The following PPARG variants were observed in gnomAD, a reference collection of about 807,000 sequenced individuals.
The protein encoded by PPARG is peroxisome proliferator-activated receptor gamma.
A neutral mutation model predicts 39.2 loss-of-function variants in PPARG; 17 were observed. That is an observed-to-expected ratio of 0.43 (90% CI 0.30 to 0.65). The LOEUF (loss-of-function observed/expected upper bound fraction) is 0.65, where lower values mean the gene tolerates loss of function less well. Ranked by LOEUF, PPARG falls within the 30% of genes least tolerant of loss-of-function variation. The pLI is 0.13. For missense variants in PPARG, 406 were observed against 585.9 expected, an observed-to-expected ratio of 0.69 and a Z score of 3.17; for synonymous variants, 223 against 215.7, an observed-to-expected ratio of 1.03 and a Z score of -0.30.
At chr3:12,296,142 C>T (rs1450643408) in intron 1 of PPARG, among the ~76,000 whole-genome samples, 3 of 148,400 alleles carry the variant, frequency 2.0e-5, no homozygotes, top group African/African-American at 7.5e-5. Context: ...ATCCCAGCTA[C>T]TCGGGTGACT....
At chr3:12,380,004 A>C in intron 3 of PPARG, 73 bp downstream of exon 3, 3 of 1,269,218 alleles carry the variant, frequency 2.4e-6, no homozygotes, top group Non-Finnish European at 2.3e-6. Context: ...CCCTGTAATA[A>C]ATAATGCTCC....
intron 2 of PPARG, among the ~76,000 whole-genome samples, chr3:12,325,493 C>T (rs535699471): frequency 6.6e-6 from 1 of 150,740 alleles, no homozygotes; most frequent in Non-Finnish European, 1.5e-5. Flanking sequence ...CCCAGATACT[C>T]GGGAGGCTGA....
At chr3:12,409,648 G>A (rs1473579146) in intron 6 of PPARG, among the ~76,000 whole-genome samples, 1 of 152,106 alleles carries the variant, frequency 6.6e-6, no homozygotes, top group African/African-American at 2.4e-5. Context: ...AGAGCAATTT[G>A]CATTTCTTAT....
At chr3:12,295,105 A>AT (rs534342939) in intron 1 of PPARG, among the ~76,000 whole-genome samples, 340 of 152,200 alleles carry the variant, frequency 2.2e-3, no homozygotes, top group African/African-American at 7.9e-3. Flanking sequence ...CTCGTCATGC[A>AT]TTTTTTACAA....
At chr3:12,304,853 T>A (rs987300975) in intron 1 of PPARG, among the ~76,000 whole-genome samples, 1 of 152,186 alleles carries the variant, frequency 6.6e-6, no homozygotes, top group African/African-American at 2.4e-5. Flanking sequence ...GGAAAACTTT[T>A]TGGCTGAGTA....
intron 2 of PPARG, among the ~76,000 whole-genome samples, chr3:12,342,616 A>C (rs2048214411): frequency 6.6e-6 from 1 of 152,230 alleles, no homozygotes; most frequent in Non-Finnish European, 1.5e-5. Flanking sequence ...GTATGTGCTT[A>C]TGTATCTGTA....
Position 12,300,779 on chromosome 3 carries a change from T to C in PPARG, c.-82-11601T>C, listed in dbSNP as rs539322648. ...TGATAATTTTCATGGGAAAATTCCATGTACCAAGCAAAATTGTTAGTTCCT... is the reference window on the plus strand; with the variant it reads ...TGATAATTTTCATGGGAAAATTCCACGTACCAAGCAAAATTGTTAGTTCCT... On this transcript the variant is annotated intron_variant, in intron 1 of 7. Transcript: ENST00000651735. Among the ~76,000 whole-genome samples the C allele has an allele frequency of 2.6e-5, 4 of 152,352 alleles. No homozygotes were observed. The South Asian group carries it at 8.3e-4, about 32-fold the overall frequency.
intron 5 of PPARG, among the ~76,000 whole-genome samples, chr3:12,398,094 T>G (rs1435632330): frequency 1.3e-5 from 2 of 152,020 alleles, no homozygotes; most frequent in Non-Finnish European, 2.9e-5. Context: ...TCCTTTTCTA[T>G]GTGTTTCATA....
chr3:12,367,712 A>C (rs1422718206), intron 2 of PPARG, among the ~76,000 whole-genome samples: 1 of 150,960 alleles, frequency 6.6e-6, no homozygotes, highest in Non-Finnish European at 1.5e-5. Flanking sequence ...ATAAAAAAAT[A>C]AAAATAAAAA....
chr3:12,389,616 C>T (rs2049997196), intron 4 of PPARG, among the ~76,000 whole-genome samples: 1 of 152,050 alleles, frequency 6.6e-6, no homozygotes, highest in South Asian at 2.1e-4. Flanking sequence ...GTGAGCCAGG[C>T]GTAGTGGCAC....
chr3:12,394,689 AGTTT>A (rs1388249326), intron 5 of PPARG, among the ~76,000 whole-genome samples: 7 of 152,332 alleles, frequency 4.6e-5, no homozygotes, highest in Admixed American at 3.3e-4. Flanking sequence ...TTTTTATGGG[AGTTT>A]GTTTGCTGCA....
intron 5 of PPARG, among the ~76,000 whole-genome samples, chr3:12,397,378 TTTATTATTA>T (rs200520715): frequency 0.14 from 19,047 of 131,958 alleles, 1,387 homozygotes; most frequent in Non-Finnish European, 0.16. Flanking sequence ...CCTATTCCTT[TTTATTATTA>T]TTATTATTAT....
intron 2 of PPARG, among the ~76,000 whole-genome samples, chr3:12,367,744 A>T (rs1352412894): frequency 6.6e-6 from 1 of 151,774 alleles, no homozygotes; most frequent in Non-Finnish European, 1.5e-5. Context: ...TGTGGTGGTG[A>T]ATGCCTGTGG....
chr3:12,422,001 G>A (rs36055981), intron 7 of PPARG, among the ~76,000 whole-genome samples: 1,650 of 152,314 alleles, frequency 0.011, 12 homozygotes, highest in Non-Finnish European at 0.017. Context: ...AAGAGGAGCA[G>A]ATATTTTATG....
intron 2 of PPARG, among the ~76,000 whole-genome samples, chr3:12,338,031 C>G (rs940256092): frequency 3.3e-5 from 5 of 152,178 alleles, no homozygotes; most frequent in African/African-American, 1.2e-4. Flanking sequence ...ATCCTTCTGC[C>G]TCTTCAGTCT....
In PPARG at chr3:12,348,496, T is replaced by G. The variant is rs576320500; in HGVS notation, c.-8-31208T>G. Among the ~76,000 whole-genome samples, 4 of 152,300 alleles carry G rather than the reference T, an allele frequency of 2.6e-5. No homozygotes were observed. In the East Asian group the frequency reaches 7.7e-4, roughly 29 times the overall value. On this transcript the variant is annotated intron_variant, in intron 2 of 7. Transcript: ENST00000651735. ...TATCATGAACTGGGGTAGAGTTAAG[T>G]TTTCATCCTCCTCATTATAGAATCA...
intron 2 of PPARG, among the ~76,000 whole-genome samples, chr3:12,314,045 G>C (rs561046906): frequency 6.6e-6 from 1 of 152,146 alleles, no homozygotes; most frequent in Non-Finnish European, 1.5e-5. Flanking sequence ...GGGATGCTGA[G>C]GTGGGCGGAT....
At chr3:12,392,048 CTG>C (rs1244574979) in intron 4 of PPARG, among the ~76,000 whole-genome samples, 1 of 152,088 alleles carries the variant, frequency 6.6e-6, no homozygotes, top group East Asian at 1.9e-4. Flanking sequence ...CTCTTTCTGT[CTG>C]TAAGCCACAA....
At chr3:12,366,119 T>C (rs1193238304) in intron 2 of PPARG, among the ~76,000 whole-genome samples, 1 of 152,124 alleles carries the variant, frequency 6.6e-6, no homozygotes, top group African/African-American at 2.4e-5. Flanking sequence ...ATATATATTT[T>C]ATTAAATTTA....
Sources: allele counts gnomAD v4.1 joint callset (sites outside exome capture counted in the v4.1 genomes callset), GRCh38; gene constraint gnomAD v4.1.1; transcripts MANE v1.5; gene names NCBI Gene and HGNC (gene_info 2026-07-23, HGNC 2026-07-21).